Variants in HIPK1 observed in about 807,000 individuals in gnomAD.
The protein encoded by HIPK1 is homeodomain interacting protein kinase 1, also known as homeodomain-interacting protein kinase 1.
Under a neutral mutation model 117.1 loss-of-function variants are expected in HIPK1, and 28 were observed. The observed-to-expected ratio is 0.24, with a 90% confidence interval of 0.18 to 0.33. HIPK1 has a LOEUF of 0.33. Ranked by LOEUF, HIPK1 falls within the 10% of genes least tolerant of loss-of-function variation. The pLI is 1.00. For synonymous variants in HIPK1, 605 were observed against 562.5 expected, an observed-to-expected ratio of 1.08 and a Z score of -1.07; for missense variants, 1,122 against 1,475.1, an observed-to-expected ratio of 0.76 and a Z score of 3.92.
At position 113,972,035 on chromosome 1, in the gene HIPK1, C is replaced by T. The variant is rs202147660; in HGVS notation, c.3144+81C>T. ...GGAGAACCCTGCTTCTGGCTGGATG[C>T]TGAATAAAGCCAAATGAAGCCCCTT... On this transcript the variant is annotated intron_variant, in intron 15 of 15. Coordinates refer to ENST00000426820, the MANE Select transcript of HIPK1 (RefSeq NM_198268.3). 14 of 1,613,104 alleles carry T rather than the reference C, an allele frequency of 8.7e-6. No homozygotes were observed. The African/African-American group carries it at 1.7e-4, about 20-fold the overall frequency.
Position 113,963,489 on chromosome 1 carries a change from C to G in HIPK1, c.2206C>G (p.Pro736Ala), listed in dbSNP as rs1457595301. The G allele has an allele frequency of 6.2e-7, 1 of 1,614,192 alleles. No individual in the cohort carries two copies. Among genetic ancestry groups the G allele is most frequent in the South Asian group, 1.1e-5 (1 of 91,080 alleles). ...PFTLSCAAGR[P>A]ALVEQTAAVL... ...TACTCTGAGCTGCGCAGCCGGCCGG[C>G]CGGCGCTGGTTGAACAGACTGCCGC... The change falls in exon 10 of 16, where the codon CCG becomes GCG. Residue 736 changes from proline to alanine, a missense_variant. Transcript: ENST00000426820.
In HIPK1 at chr1:113,973,055, A is replaced by C; in HGVS notation, c.3176A>C (p.Gln1059Pro). ...NQQSSAAPTS[Q>P]ERSSNPAPRR... The stretch of plus-strand genomic sequence containing the variant: ...CAGTCATCGGCGGCTCCAACCTCAC[A>C]GGAGAGAAGCAGCAACCCAGCCCCC... The change falls in exon 16 of 16, where the codon CAG becomes CCG. Residue 1059 changes from glutamine to proline, a missense_variant. Coordinates refer to ENST00000426820, the MANE Select transcript of HIPK1 (RefSeq NM_198268.3). The C allele has an allele frequency of 1.3e-6, 2 of 1,521,272 alleles. No individual in the cohort carries two copies. The highest frequency in any genetic ancestry group is 1.8e-6 in the Non-Finnish European group (2 of 1,135,862). The allele number at this position is 1,521,272 out of a possible 1,614,324, so 94.2% of individuals were successfully genotyped here.
chr1:113,952,061 C>G (rs1466841387), intron 2 of HIPK1, among the ~76,000 whole-genome samples: 1 of 150,356 alleles, frequency 6.7e-6, no homozygotes, highest in African/African-American at 2.4e-5. Context: ...GTCTCAACCT[C>G]CTGAGTAGCT....
intron 10 of HIPK1, among the ~76,000 whole-genome samples, chr1:113,965,831 G>C (rs1396871141): frequency 6.6e-6 from 1 of 152,088 alleles, no homozygotes; most frequent in Non-Finnish European, 1.5e-5. Context: ...TCTTATCTCT[G>C]AACTCTCAGA....
intron 13 of HIPK1, among the ~76,000 whole-genome samples, chr1:113,968,951 C>T (rs1337498647): frequency 2.0e-5 from 3 of 152,040 alleles, no homozygotes; most frequent in South Asian, 2.1e-4. Flanking sequence ...ACCCAGGAGG[C>T]GGAGGTTACA....
Position 113,949,834 on chromosome 1 carries a change from A to C in HIPK1, c.1077-2932A>C, listed in dbSNP as rs551813487. 5.9e-5 allele frequency among the ~76,000 whole-genome samples: 9 copies of C among 152,196 alleles called. No individual in the cohort carries two copies. The South Asian group carries it at 1.9e-3, about 32-fold the overall frequency. ...AGGCTGGTCTCAAACTCCTGACTTC[A>C]GGTGATCCAGCCTCCTCGGCCTCCC... On this transcript the variant is annotated intron_variant, in intron 2 of 15. Coordinates refer to ENST00000426820, the MANE Select transcript of HIPK1 (RefSeq NM_198268.3).
chr1:113,970,468 G>C (rs1272656278), intron 14 of HIPK1, among the ~76,000 whole-genome samples: 1 of 152,220 alleles, frequency 6.6e-6, no homozygotes, highest in South Asian at 2.1e-4. Context: ...CAGACAAGAC[G>C]TGTGATATTG....
At chr1:113,944,159 GTTTTTTTTTTTTTTTT>G (rs140161727) in intron 2 of HIPK1, among the ~76,000 whole-genome samples, 4 of 55,234 alleles carry the variant, frequency 7.2e-5, no homozygotes, top group East Asian at 6.3e-4. Flanking sequence ...ATAGCCATGG[GTTTTTTTTTTTTTTTT>G]TTTTTTTTTT....
At chr1:113,962,547 A>T (rs1672196993) in intron 9 of HIPK1, 109 bp downstream of exon 9, 1 of 1,102,812 alleles carries the variant, frequency 9.1e-7, no homozygotes, top group Admixed American at 2.7e-5. Flanking sequence ...TTTCTTGGTC[A>T]TGATTCAGTG....
At chr1:113,942,227 AT>A (rs1227676384) in intron 2 of HIPK1, among the ~76,000 whole-genome samples, 1 of 149,558 alleles carries the variant, frequency 6.7e-6, no homozygotes, top group Non-Finnish European at 1.5e-5. Context: ...CGCCCGGCTA[AT>A]TTTTTTGTTT....
intron 15 of HIPK1, 123 bp downstream of exon 15, chr1:113,972,077 T>G (rs779125704): frequency 6.2e-7 from 1 of 1,611,446 alleles, no homozygotes; most frequent in South Asian, 1.1e-5. Context: ...CAAACAATTT[T>G]GTGTTCTATG....
intron 9 of HIPK1, among the ~76,000 whole-genome samples, chr1:113,962,837 C>G (rs1319904695): frequency 6.6e-6 from 1 of 152,116 alleles, no homozygotes; most frequent in African/African-American, 2.4e-5. Context: ...CTTTTGCTCA[C>G]TCTTTTAGAA....
intron 12 of HIPK1, 134 bp from the exon 13 acceptor site, chr1:113,968,308 T>C (rs185666153): frequency 2.7e-4 from 187 of 699,532 alleles, no homozygotes; most frequent in Middle Eastern, 8.2e-4. Context: ...CTGGAACTTA[T>C]ATAGTTAAAT....
chr1:113,944,748 C>T (rs943689335), intron 2 of HIPK1, among the ~76,000 whole-genome samples: 4 of 152,008 alleles, frequency 2.6e-5, no homozygotes, highest in Non-Finnish European at 4.4e-5. Flanking sequence ...CATGAGCCAC[C>T]GGGCCCGGTC....
At chr1:113,932,525 C>T (rs995700195) in intron 1 of HIPK1, among the ~76,000 whole-genome samples, 2 of 151,846 alleles carry the variant, frequency 1.3e-5, no homozygotes, top group Non-Finnish European at 2.9e-5. Flanking sequence ...ACTACAGGCA[C>T]GCACCACCAT....
intron 1 of HIPK1, among the ~76,000 whole-genome samples, chr1:113,931,632 T>G (rs1362609842): frequency 1.3e-5 from 2 of 152,130 alleles, no homozygotes; most frequent in Non-Finnish European, 2.9e-5. Context: ...AGAACTTCCT[T>G]CTAAAAGAAA....
In HIPK1 at chr1:113,940,408, T is replaced by C; in HGVS notation, c.25T>C (p.Ser9Pro). MASQLQVF[S>P]PPSVSSSAFC... ...TATGGCATCACAGCTGCAAGTGTTT[T>C]CGCCCCCATCAGTGTCGTCGAGTGC... is the stretch of plus-strand genomic sequence containing the variant. The change falls in exon 2 of 16, where the codon TCG becomes CCG. Residue 9 changes from serine to proline, a missense_variant. Around this residue, in one of 6 missense-constraint regions of HIPK1, gnomAD observed 192 missense variants for 234.0 expected, o/e 0.82. Coordinates refer to ENST00000426820, the MANE Select transcript of HIPK1 (RefSeq NM_198268.3). 1 of 1,608,886 alleles carries C rather than the reference T, an allele frequency of 6.2e-7. No homozygotes were observed. The highest frequency in any genetic ancestry group is 8.5e-7 in the Non-Finnish European group (1 of 1,177,016).
intron 11 of HIPK1, among the ~76,000 whole-genome samples, chr1:113,966,535 C>G (rs1672459379): frequency 6.6e-6 from 1 of 152,106 alleles, no homozygotes; most frequent in African/African-American, 2.4e-5. Context: ...ACAGTGAGAT[C>G]CTAAAGCCTT....
At chr1:113,940,272 C>T (rs1670560495) in intron 1 of HIPK1, 110 bp from the exon 2 acceptor site, 1 of 982,982 alleles carries the variant, frequency 1.0e-6, no homozygotes. Context: ...AACATTATTA[C>T]ATCATGTTTC....
Sources: gnomAD v4.1 joint callset for allele counts (sites outside exome capture counted in the v4.1 genomes callset) on GRCh38, gnomAD v4.1.1 for gene constraint, gnomAD v4.1.1 regional missense constraint, MANE v1.5 for transcripts, NCBI Gene and HGNC (gene_info 2026-07-23, HGNC 2026-07-21) for gene names.